TMEM132A: variants seen among roughly 807,000 people sequenced by gnomAD.
TMEM132A encodes GRP78-binding protein.
A neutral mutation model predicts 69.9 loss-of-function variants in TMEM132A; 48 were observed. The observed-to-expected ratio is 0.69, with a 90% CI of 0.55 to 0.87. The LOEUF (loss-of-function observed/expected upper bound fraction) is 0.87, where lower values mean the gene tolerates loss of function less well. Among genes scored for constraint, TMEM132A ranks in the 40% least tolerant of loss-of-function variants. The pLI, the probability that TMEM132A is intolerant of heterozygous loss-of-function variation, is 0.00. For synonymous variants in TMEM132A, 577 were observed against 613.7 expected (o/e 0.94, Z 0.88); for missense variants, 1,287 against 1,407.2 (o/e 0.91, Z 1.37).
At chr11:60,932,985 A>G (rs1368719958) in intron 7 of TMEM132A, 3 of 152,312 alleles carry the variant, frequency 2.0e-5, no homozygotes, top group Non-Finnish European at 4.4e-5. Flanking sequence ...ACTGGTATGC[A>G]ATGGCCAGTT....
chr11:60,927,513 G>A (rs1856373006), intron 2 of TMEM132A, 95 bp downstream of exon 2: 2 of 1,427,724 alleles, frequency 1.4e-6, no homozygotes, highest in Admixed American at 4.0e-5. Flanking sequence ...CCCCGGCTGT[G>A]CTCCCCATAT....
chr11:60,934,871 G>A, intron 9 of TMEM132A, 107 bp downstream of exon 9: 1 of 1,242,316 alleles, frequency 8.0e-7, no homozygotes, highest in Non-Finnish European at 1.1e-6. Context: ...AGAGTGTGTG[G>A]GGGAGTTGTG....
intron 3 of TMEM132A, 97 bp downstream of exon 3, chr11:60,927,956 G>A (rs559330435): frequency 4.2e-5 from 46 of 1,106,990 alleles, no homozygotes; most frequent in Middle Eastern, 3.0e-4. Context: ...CCTGGGAAGC[G>A]CGGGGGTTGT....
At position 60,927,374 on chromosome 11, in the gene TMEM132A, C is replaced by G; in HGVS notation, c.271C>G (p.Gln91Glu). 6.2e-7 allele frequency: 1 copy of G among 1,613,478 alleles called. No individual in the cohort carries two copies. Reference protein sequence around the residue: ...FLLLQPWPRAQPLLRASYPPF... With the variant: ...FLLLQPWPRAEPLLRASYPPF... ...GCTCCTACAGCCCTGGCCCAGGGCCCAGCCACTTCTCCGGGCCTCCTACCC... is the reference window on the plus strand; with the variant it reads ...GCTCCTACAGCCCTGGCCCAGGGCCGAGCCACTTCTCCGGGCCTCCTACCC... The change falls in exon 2 of 11, where the codon CAG (glutamine) becomes GAG (glutamate). Residue 91 changes from glutamine to glutamate, a missense_variant. By Grantham distance (29) the Gln-to-Glu change is conservative (BLOSUM62 2). Coordinates refer to ENST00000453848, the MANE Select transcript of TMEM132A (RefSeq NM_178031.3).
intron 7 of TMEM132A, chr11:60,933,163 C>G (rs1473412334): frequency 5.2e-6 from 1 of 192,818 alleles, no homozygotes; most frequent in Non-Finnish European, 1.0e-5. Context: ...CTGCTCTCTT[C>G]TGGCCCATGC....
At chr11:60,926,053 A>G (rs554996135) in intron 1 of TMEM132A, 1 of 152,222 alleles carries the variant, frequency 6.6e-6, no homozygotes, top group African/African-American at 2.4e-5. Context: ...GGAGGCACCC[A>G]GGGTTGCAAA....
intron 7 of TMEM132A, chr11:60,932,477 C>A (rs1228588128): frequency 9.6e-6 from 2 of 208,340 alleles, no homozygotes; most frequent in African/African-American, 4.6e-5. Context: ...GTCTCTTAAC[C>A]TCTCTGAGCC....
chr11:60,932,662 A>G (rs2134904718), intron 7 of TMEM132A: 1 of 152,324 alleles, frequency 6.6e-6, no homozygotes, highest in South Asian at 2.1e-4. Context: ...ATTACCGGTG[A>G]TTGTGAAGTG....
At position 60,937,142 on chromosome 11, in the gene TMEM132A, A is replaced by T; in HGVS notation, c.*235A>T. 1 of 1,543,604 alleles carries T rather than the reference A, an allele frequency of 6.5e-7. No individual in the cohort carries two copies. Among genetic ancestry groups the T allele is most frequent in the Non-Finnish European group, 8.7e-7 (1 of 1,144,614 alleles). On this transcript the variant is annotated 3_prime_UTR_variant, in exon 11 of 11. Transcript: ENST00000453848. Reference sequence around the variant, plus strand: ...GAACCATTTCATTCTAACAGAATAAACCGAGAAGGAAACCAGAGCTGGGAC... The same window carrying T: ...GAACCATTTCATTCTAACAGAATAATCCGAGAAGGAAACCAGAGCTGGGAC...
chr11:60,935,228 C>T lies in TMEM132A; in HGVS notation c.1837-24C>T, dbSNP rs371235593. 4.3e-5 allele frequency: 68 copies of T among 1,580,148 alleles called. No individual in the cohort carries two copies. The highest frequency in any genetic ancestry group is 2.3e-4 in the African/African-American group (17 of 74,584). On this transcript the variant is annotated intron_variant, in intron 9 of 10. Coordinates refer to ENST00000453848, the MANE Select transcript of TMEM132A (RefSeq NM_178031.3). The surrounding 1 kb of genome is among the most constrained non-coding windows in gnomAD (Gnocchi z 5.0). ...GGCTGTCTGTATGGAAGGCCCCCCA[C>T]CTCCAGCTCCTTTCCACCCTCAGGT... is the stretch of plus-strand genomic sequence containing the variant.
At chr11:60,924,757 G>A (rs779976828) in intron 1 of TMEM132A, 24 bp downstream of exon 1, 44 of 1,481,958 alleles carry the variant, frequency 3.0e-5, no homozygotes, top group Non-Finnish European at 3.8e-5. Context: ...GAGGGCCGGG[G>A]CGAGGGGCGG....
rs763174302 is a variant in TMEM132A, at chr11:60,935,304, C to T, written c.1889C>T (p.Thr630Met). Residue 630 changes from threonine to methionine, a missense_variant, in exon 10 of 11, where the codon ACG (threonine) becomes ATG (methionine). Thr to Met is a moderately conservative substitution (Grantham distance 81). Coordinates refer to ENST00000453848, the MANE Select transcript of TMEM132A (RefSeq NM_178031.3). The surrounding 1 kb of genome is among the most constrained non-coding windows in gnomAD (Gnocchi z 5.0). ...CTGGGGGAGCAGGCGCTGGCTGTGA[C>T]GGACGACAAGGTCTCAGTGCTGGAG... ...SILGEQALAV[T>M]DDKVSVLELR... The T allele has an allele frequency of 3.6e-5, 58 of 1,612,718 alleles. 1 individual carries two copies. The highest frequency in any genetic ancestry group is 2.1e-4 in the South Asian group (19 of 90,764).
At chr11:60,929,089 A>C in intron 4 of TMEM132A, 129 bp downstream of exon 4, 2 of 719,418 alleles carry the variant, frequency 2.8e-6, no homozygotes, top group Non-Finnish European at 4.4e-6. Context: ...CACCAAACTA[A>C]ACTCCTTCCA....
rs771921474 is a variant in TMEM132A, at chr11:60,936,133, G to A, written c.2298G>A (p.Leu766=). 6.2e-7 allele frequency: 1 copy of A among 1,613,434 alleles called. No individual in the cohort carries two copies. The highest frequency in any genetic ancestry group is 1.1e-5 in the South Asian group (1 of 91,054). ...CCTCTGGCACCGCCTGGCTGGGGCT[G>A]CCCCCTGCCTCCACTCCAGCCCCTG... is the stretch of plus-strand genomic sequence containing the variant. The part of the protein sequence containing the change: ...PLASGTAWLG[L]PPASTPAPAL... The change falls in exon 11 of 11, where the codon CTG becomes CTA. Residue 766 remains leucine (L), a synonymous_variant. Transcript: ENST00000453848.
Position 60,934,474 on chromosome 11 carries a change from TC to T in TMEM132A, c.1560-10del. ...TCAGCGCTGACGGCCAGTCCCGGCC[TC>T]CCCGCCCTGCAGGCCTGCGGAACCC... On this transcript the variant is annotated splice_polypyrimidine_tract_variant and intron_variant, in intron 8 of 10. Transcript: ENST00000453848. 1 of 1,370,430 alleles carries T rather than the reference TC, an allele frequency of 7.3e-7. No individual in the cohort carries two copies. Among genetic ancestry groups the T allele is most frequent in the Non-Finnish European group, 9.4e-7 (1 of 1,068,604 alleles). 84.9% of individuals were successfully genotyped at this position (1,370,430 alleles called of 1,614,324 possible). A position where few individuals can be genotyped will look rare whatever the true frequency, so the allele number is the denominator to read the frequency against.
intron 6 of TMEM132A, 27 bp from the exon 7 acceptor site, chr11:60,931,957 G>A (rs1856490192): frequency 6.2e-7 from 1 of 1,612,924 alleles, no homozygotes; most frequent in Middle Eastern, 1.7e-4. Flanking sequence ...TGAGGGGCCT[G>A]GGGCTGAGCC....
In TMEM132A at chr11:60,932,058, C is replaced by T. The variant is rs180839936; in HGVS notation, c.1287C>T (p.Asp429=). 421 of 1,591,424 alleles carry T rather than the reference C, an allele frequency of 2.6e-4. 3 individuals carry two copies. The East Asian group carries it at 7.3e-3, about 28-fold the overall frequency. The change falls in exon 7 of 11, where the codon GAC becomes GAT. Residue 429 remains aspartate (D), a synonymous_variant. Coordinates refer to ENST00000453848, the MANE Select transcript of TMEM132A (RefSeq NM_178031.3). ...TCCCCGTGCGCCTTGTCACTGTGGA[C>T]GGCGGGGGGGCCTTGGTGGAGGTGA... The part of the protein sequence containing the change: ...QHVPVRLVTV[D]GGGALVEVTE...
At position 60,935,384 on chromosome 11, in the gene TMEM132A, C is replaced by A; in HGVS notation, c.1969C>A (p.His657Asn). 6.2e-7 allele frequency: 1 copy of A among 1,612,416 alleles called. No individual in the cohort carries two copies. The highest frequency in any genetic ancestry group is 1.1e-5 in the South Asian group (1 of 90,518). The change falls in exon 10 of 11, where the codon CAC becomes AAC. Residue 657 changes from histidine to asparagine, a missense_variant. Coordinates refer to ENST00000453848, the MANE Select transcript of TMEM132A (RefSeq NM_178031.3). This position sits in a 1 kb window ranked among gnomAD's most constrained non-coding sequence, Gnocchi z 5.0. ...GCTGACCTTGAGCCGGGGCACTGCC[C>A]ACCCCGGGGAGGTCACAGCTACGTG... ...ISLTLSRGTAHPGEVTATCWA... is the reference protein window; with the variant it reads ...ISLTLSRGTANPGEVTATCWA...
At position 60,934,527 on chromosome 11, in the gene TMEM132A, G is replaced by T; in HGVS notation, c.1599G>T (p.Glu533Asp). 6.9e-7 allele frequency: 1 copy of T among 1,454,368 alleles called. No individual in the cohort carries two copies. The highest frequency in any genetic ancestry group is 9.0e-7 in the Non-Finnish European group (1 of 1,113,294). 90.1% of individuals were successfully genotyped at this position (1,454,368 alleles called of 1,614,324 possible). A position where few individuals can be genotyped will look rare whatever the true frequency, so the allele number is the denominator to read the frequency against. The change falls in exon 9 of 11, where the codon GAG (glutamate) becomes GAT (aspartate). Residue 533 changes from glutamate to aspartate, a missense_variant. Physicochemically the swap from Glu to Asp is conservative, Grantham distance 45 (BLOSUM62 2). Coordinates refer to ENST00000453848, the MANE Select transcript of TMEM132A (RefSeq NM_178031.3). ...EPAAEASDEA[E>D]RRARGCHLQY... is the part of the protein sequence containing the mutation. ...CTGCAGAGGCGTCGGATGAGGCCGA[G>T]CGGCGCGCCCGTGGCTGCCACCTGC...
Sources: gnomAD v4.1 joint callset for allele counts on GRCh38, gnomAD v4.1.1 for gene constraint, Gnocchi (gnomAD v3.1) non-coding constraint, MANE v1.5 for transcripts, NCBI Gene and HGNC (gene_info 2026-07-23, HGNC 2026-07-21) for gene names.